Variants in WDR25 observed in about 807,000 individuals in gnomAD.
WDR25 encodes the protein WD repeat domain 25, also known as WD repeat-containing protein 25.
Under a neutral mutation model 47.7 loss-of-function variants are expected in WDR25, and 35 were observed. The observed-to-expected ratio is 0.73, with a 90% confidence interval of 0.56 to 0.97. The LOEUF (loss-of-function observed/expected upper bound fraction) is 0.97. Among genes scored for constraint, WDR25 ranks in the 50% least tolerant of loss-of-function variants. The pLI is 0.00. For missense variants in WDR25, 634 were observed against 704.7 expected (o/e 0.90, Z 1.14); for synonymous variants, 248 against 278.9 (o/e 0.89, Z 1.10).
At chr14:100,463,076 T>C (rs1899480770) in intron 2 of WDR25, among the ~76,000 whole-genome samples, 1 of 144,560 alleles carries the variant, frequency 6.9e-6, no homozygotes, top group Non-Finnish European at 1.5e-5. Flanking sequence ...CTCCCCCTGC[T>C]CCTTCCTTCC....
intron 3 of WDR25, among the ~76,000 whole-genome samples, chr14:100,470,849 T>C (rs1416492077): frequency 6.6e-6 from 1 of 152,232 alleles, no homozygotes; most frequent in African/African-American, 2.4e-5. Flanking sequence ...AGCATGGCCC[T>C]GCCCCCAGGG....
At chr14:100,462,814 A>G in intron 2 of WDR25, among the ~76,000 whole-genome samples, 1 of 118,288 alleles carries the variant, frequency 8.5e-6, no homozygotes, top group South Asian at 2.7e-4. Flanking sequence ...CCTCCTCTCC[A>G]TCCTCTCTTC....
At chr14:100,495,685 G>T (rs997899708) in intron 4 of WDR25, among the ~76,000 whole-genome samples, 2 of 152,176 alleles carry the variant, frequency 1.3e-5, no homozygotes, top group Non-Finnish European at 2.9e-5. Flanking sequence ...TTTGCCTTAC[G>T]ATCTCACTTC....
chr14:100,506,578 A>AT lies in WDR25; in HGVS notation c.1102-19285dup, dbSNP rs1901119289. ...CTCTGCAGCCTTGCTAGCACCTGTT[A>AT]TTTTTTTGACTTTTTAGTAATAGCC... On this transcript the variant is annotated intron_variant, in intron 4 of 6. Coordinates refer to ENST00000402312, the MANE Select transcript of WDR25 (RefSeq NM_001161476.3). This position sits in a 1 kb window ranked among gnomAD's most constrained non-coding sequence, Gnocchi z 4.8. Among the ~76,000 whole-genome samples, 1 of 151,874 alleles carries AT rather than the reference A, an allele frequency of 6.6e-6. No homozygotes were observed. The highest frequency in any genetic ancestry group is 2.4e-5 in the African/African-American group (1 of 41,352).
chr14:100,443,584 T>G (rs780236420), intron 2 of WDR25, among the ~76,000 whole-genome samples: 11 of 152,354 alleles, frequency 7.2e-5, no homozygotes, highest in Admixed American at 3.3e-4. Flanking sequence ...TGCTGCAGCC[T>G]CATGTCTCCT....
intron 3 of WDR25, among the ~76,000 whole-genome samples, chr14:100,473,807 G>A (rs751556933): frequency 3.3e-5 from 5 of 152,234 alleles, no homozygotes; most frequent in South Asian, 2.1e-4. Flanking sequence ...AAGAAGTGCC[G>A]TGGAGGGGCC....
chr14:100,414,313 CT>C (rs1202018412), intron 2 of WDR25, among the ~76,000 whole-genome samples: 2,611 of 102,856 alleles, frequency 0.025, 64 homozygotes, highest in African/African-American at 0.086. Context: ...AGAGGTAGTT[CT>C]TTTTTTTTTT....
rs368015779 is a variant in WDR25, at chr14:100,499,922, G to T, written c.1101+15798G>T. ...GAATTCAGTGTTTGGAGTCAGGTGG[G>T]ATACAAGGACTGGAAATTGACACCA... is the stretch of plus-strand genomic sequence containing the variant. On this transcript the variant is annotated intron_variant, in intron 4 of 6. Coordinates refer to ENST00000402312, the MANE Select transcript of WDR25 (RefSeq NM_001161476.3). This position sits in a 1 kb window ranked among gnomAD's most constrained non-coding sequence, Gnocchi z 4.4. Among the ~76,000 whole-genome samples the T allele has an allele frequency of 6.6e-5, 10 of 152,312 alleles. No homozygotes were observed. The East Asian group carries it at 1.9e-3, about 29-fold the overall frequency.
intron 4 of WDR25, among the ~76,000 whole-genome samples, chr14:100,509,497 G>A (rs992625884): frequency 6.6e-6 from 1 of 151,970 alleles, no homozygotes; most frequent in Non-Finnish European, 1.5e-5. Context: ...TTTGTGGTGG[G>A]GAATTCTCTG....
At chr14:100,382,585 C>T (rs1489225340) in intron 2 of WDR25, among the ~76,000 whole-genome samples, 22 of 152,122 alleles carry the variant, frequency 1.4e-4, no homozygotes, top group Non-Finnish European at 7.4e-5. Flanking sequence ...ATGTAGTCCC[C>T]CAGTATGGAG....
intron 2 of WDR25, among the ~76,000 whole-genome samples, chr14:100,389,099 G>A (rs1402381106): frequency 6.6e-6 from 1 of 152,186 alleles, no homozygotes; most frequent in Non-Finnish European, 1.5e-5. Context: ...CCCAGTGATG[G>A]CCTGTGTCCA....
chr14:100,378,031 C>G (rs12897338), intron 1 of WDR25, among the ~76,000 whole-genome samples: 1 of 151,984 alleles, frequency 6.6e-6, no homozygotes, highest in Non-Finnish European at 1.5e-5. Flanking sequence ...CTCTGCTGTC[C>G]TAGGAGTGCC....
intron 3 of WDR25, among the ~76,000 whole-genome samples, chr14:100,477,776 G>A (rs1471923455): frequency 6.6e-6 from 1 of 152,196 alleles, no homozygotes; most frequent in African/African-American, 2.4e-5. Flanking sequence ...GCATTAATCT[G>A]TGGAGGTTAT....
At chr14:100,400,523 A>G (rs1287037957) in intron 2 of WDR25, among the ~76,000 whole-genome samples, 1 of 152,210 alleles carries the variant, frequency 6.6e-6, no homozygotes, top group African/African-American at 2.4e-5. Flanking sequence ...CTTATTCCCA[A>G]AGGTAACTTT....
chr14:100,459,649 AT>A (rs1311127890), intron 2 of WDR25, among the ~76,000 whole-genome samples: 3 of 151,810 alleles, frequency 2.0e-5, no homozygotes, highest in Non-Finnish European at 2.9e-5. Flanking sequence ...TCCCCTTTCT[AT>A]AAGGGAGAAG....
rs577898050 is a variant in WDR25, at chr14:100,376,511, G to A, written c.-16+16G>A. 4,315 of 1,231,828 alleles carry A rather than the reference G, an allele frequency of 3.5e-3. 7 individuals carry two copies. Among genetic ancestry groups the A allele is most frequent in the Non-Finnish European group, 3.9e-3 (3,811 of 988,046 alleles). 76.3% of individuals were successfully genotyped at this position (1,231,828 alleles called of 1,614,324 possible). ...AGCGCTTCCGGTGCGTGTGGTGAGC[G>A]GCGGGCCCCGGGCTGGAGGGGCCGG... On this transcript the variant is annotated intron_variant, in intron 1 of 6. Transcript: ENST00000402312.
intron 2 of WDR25, chr14:100,454,442 TTA>T (rs1273427117): frequency 7.8e-7 from 1 of 1,287,140 alleles, no homozygotes; most frequent in Admixed American, 2.3e-5. Context: ...AAATTGAAAA[TTA>T]TGTTTGGCTT....
chr14:100,483,789 A>G (rs539091683), intron 3 of WDR25, among the ~76,000 whole-genome samples: 25 of 152,324 alleles, frequency 1.6e-4, no homozygotes, highest in African/African-American at 6.0e-4. Flanking sequence ...CAGCTAGTCA[A>G]GGGTGGGCTG....
At chr14:100,433,118 C>A (rs193164911) in intron 2 of WDR25, among the ~76,000 whole-genome samples, 1 of 152,186 alleles carries the variant, frequency 6.6e-6, no homozygotes, top group Non-Finnish European at 1.5e-5. Context: ...ACTGTACATA[C>A]CTTATTGATA....
Sources: gnomAD v4.1 joint callset for allele counts (sites outside exome capture counted in the v4.1 genomes callset) on GRCh38, gnomAD v4.1.1 for gene constraint, Gnocchi (gnomAD v3.1) non-coding constraint, MANE v1.5 for transcripts, NCBI Gene and HGNC (gene_info 2026-07-23, HGNC 2026-07-21) for gene names.